The following CDH20 variants were observed in gnomAD, a reference collection of about 807,000 sequenced individuals.
The protein encoded by CDH20 is cadherin 20.
In CDH20, 29 loss-of-function variants were observed where a neutral mutation model predicts 74.2. The ratio of observed to expected loss-of-function variants is 0.39; its 90% CI spans 0.29 to 0.53. CDH20 has a LOEUF of 0.53. Among genes scored for constraint, CDH20 ranks in the 20% least tolerant of loss-of-function variants. The pLI is 0.69. For synonymous variants in CDH20, 469 were observed against 405.4 expected, an observed-to-expected ratio of 1.16 and a Z score of -1.88; for missense variants, 988 against 1,048.3, an observed-to-expected ratio of 0.94 and a Z score of 0.79.
intron 1 of CDH20, among the ~76,000 whole-genome samples, chr18:61,448,000 T>C (rs1232487600): frequency 6.6e-6 from 1 of 152,168 alleles, no homozygotes; most frequent in Non-Finnish European, 1.5e-5. Context: ...GGTTTTGAAC[T>C]CAGGCTCCAC....
chr18:61,532,103 C>G (rs1912665335), intron 7 of CDH20, among the ~76,000 whole-genome samples: 3 of 152,204 alleles, frequency 2.0e-5, no homozygotes, highest in Non-Finnish European at 4.4e-5. Flanking sequence ...GAACCTGCAG[C>G]CAGACTGCCT....
intron 1 of CDH20, among the ~76,000 whole-genome samples, chr18:61,335,260 G>C (rs1909719989): frequency 6.6e-6 from 1 of 152,160 alleles, no homozygotes; most frequent in African/African-American, 2.4e-5. Flanking sequence ...AGTCTCGTTG[G>C]ACATGCTGAA....
chr18:61,521,049 C>T lies in CDH20; in HGVS notation c.1018-6918C>T, dbSNP rs930324298. On this transcript the variant is annotated intron_variant, in intron 6 of 11. Transcript: ENST00000262717. ...AAGAGCAAATAAATTCAAAAGCTAG[C>T]AGAAGACAAGAAGTAACTAAGATCA... Among the ~76,000 whole-genome samples the T allele has an allele frequency of 5.3e-5, 8 of 150,536 alleles. No individual in the cohort carries two copies. The East Asian group carries it at 1.5e-3, about 29-fold the overall frequency.
chr18:61,428,035 T>C (rs937716928), intron 1 of CDH20, among the ~76,000 whole-genome samples: 3 of 152,146 alleles, frequency 2.0e-5, no homozygotes, highest in Non-Finnish European at 2.9e-5. Context: ...ACACTCTAGA[T>C]GGGAGGATAA....
chr18:61,502,205 G>T (rs930077472), intron 4 of CDH20, among the ~76,000 whole-genome samples: 2 of 152,146 alleles, frequency 1.3e-5, no homozygotes, highest in Non-Finnish European at 2.9e-5. Context: ...TTACTGTACA[G>T]GCTTGGCAGG....
At chr18:61,494,417 C>A (rs181333918) in intron 2 of CDH20, among the ~76,000 whole-genome samples, 1 of 152,322 alleles carries the variant, frequency 6.6e-6, no homozygotes, top group Non-Finnish European at 1.5e-5. Context: ...ACAAGACACC[C>A]ATGCATCTCA....
At chr18:61,506,682 G>T (rs1911575003) in intron 5 of CDH20, among the ~76,000 whole-genome samples, 1 of 152,182 alleles carries the variant, frequency 6.6e-6, no homozygotes, top group African/African-American at 2.4e-5. Context: ...TGTCCAAAAG[G>T]AGATGTCCAA....
intron 1 of CDH20, among the ~76,000 whole-genome samples, chr18:61,420,782 C>A (rs540454359): frequency 6.6e-6 from 1 of 152,230 alleles, no homozygotes; most frequent in African/African-American, 2.4e-5. Flanking sequence ...TGGCTGGGCG[C>A]GGTGGCTCAC....
chr18:61,451,274 T>C (rs1425357491), intron 1 of CDH20, among the ~76,000 whole-genome samples: 1 of 152,062 alleles, frequency 6.6e-6, no homozygotes, highest in Non-Finnish European at 1.5e-5. Context: ...AATTTTCAAC[T>C]ACTTGTAAAA....
intron 8 of CDH20, 92 bp from the exon 9 acceptor site, chr18:61,538,932 G>A (rs142410199): frequency 7.2e-5 from 107 of 1,485,514 alleles, no homozygotes; most frequent in African/African-American, 3.1e-4. Flanking sequence ...GCGCCCAGTC[G>A]TAAATACCGA....
At chr18:61,384,317 T>C (rs868074873) in intron 1 of CDH20, among the ~76,000 whole-genome samples, 2 of 152,320 alleles carry the variant, frequency 1.3e-5, no homozygotes, top group Middle Eastern at 6.8e-3. Context: ...ATTGTATTGA[T>C]AAATGGCCCC....
intron 6 of CDH20, among the ~76,000 whole-genome samples, chr18:61,518,955 A>T (rs1016511743): frequency 6.6e-6 from 1 of 151,432 alleles, no homozygotes; most frequent in South Asian, 2.1e-4. Context: ...AAAACACAGC[A>T]TGAGAACTTC....
rs377573674 is a variant in CDH20 at position 61,539,179 on chromosome 18, A to G, written c.1530+34A>G. The G allele has an allele frequency of 5.6e-6, 9 of 1,602,704 alleles. No individual in the cohort carries two copies. The African/African-American group carries it at 1.1e-4, about 19-fold the overall frequency. On this transcript the variant is annotated intron_variant, in intron 9 of 11. Transcript: ENST00000262717. ...GCCTGTGGGTGGTGCACTCTGCTTA[A>G]CCCCTAACTTCTGGAAACAATTGTT...
intron 1 of CDH20, among the ~76,000 whole-genome samples, chr18:61,417,025 T>G (rs1912708680): frequency 6.6e-6 from 1 of 152,310 alleles, no homozygotes; most frequent in Non-Finnish European, 1.5e-5. Flanking sequence ...TTGACCCCAA[T>G]CAAAAGCACT....
chr18:61,407,336 A>C (rs1912363869), intron 1 of CDH20, among the ~76,000 whole-genome samples: 1 of 152,204 alleles, frequency 6.6e-6, no homozygotes, highest in Non-Finnish European at 1.5e-5. Context: ...TTTAGCTTTC[A>C]AAAAGATTTA....
At chr18:61,543,613 C>A (rs1291331417) in intron 9 of CDH20, among the ~76,000 whole-genome samples, 1 of 152,178 alleles carries the variant, frequency 6.6e-6, no homozygotes, top group Admixed American at 6.5e-5. Flanking sequence ...GCCACCTGAC[C>A]TCCTGCTCTC....
chr18:61,362,891 T>C lies in CDH20; in HGVS notation c.-153+29064T>C, dbSNP rs1019245768. On this transcript the variant is annotated intron_variant, in intron 1 of 11. Transcript: ENST00000262717. ...ACTTATCCAAAATTTCTCAAAAATG[T>C]CATCACTTTTGGCCAATGATGAAAT... Among the ~76,000 whole-genome samples the C allele has an allele frequency of 2.0e-5, 3 of 152,298 alleles. No individual in the cohort carries two copies. The Middle Eastern group carries it at 0.01, about 518-fold the overall frequency.
intron 1 of CDH20, among the ~76,000 whole-genome samples, chr18:61,360,916 A>G (rs1910668217): frequency 6.6e-6 from 1 of 152,228 alleles, no homozygotes; most frequent in African/African-American, 2.4e-5. Context: ...CGCAGACATC[A>G]TGTTATATTT....
At chr18:61,436,834 T>C (rs1908855326) in intron 1 of CDH20, among the ~76,000 whole-genome samples, 2 of 152,150 alleles carry the variant, frequency 1.3e-5, no homozygotes, top group Admixed American at 1.3e-4. Context: ...GGAGACTTTC[T>C]GAAGACTGGA....
Sources: gnomAD v4.1 joint callset for allele counts (sites outside exome capture counted in the v4.1 genomes callset) on GRCh38, gnomAD v4.1.1 for gene constraint, MANE v1.5 for transcripts, NCBI Gene and HGNC (gene_info 2026-07-23, HGNC 2026-07-21) for gene names.